Variants in ROBO1 observed in about 807,000 individuals in gnomAD.
ROBO1 encodes the protein roundabout homolog 1.
ROBO1 carries 149 observed loss-of-function variants against 195.9 expected under a neutral mutation model. The observed-to-expected ratio is 0.76, with a 90% CI of 0.67 to 0.87. ROBO1 has a LOEUF of 0.87. Ranked by LOEUF, ROBO1 falls within the 40% of genes least tolerant of loss-of-function variation. The pLI is 0.00. For missense variants in ROBO1, 1,933 were observed against 2,068.3 expected (o/e 0.93, Z 1.27); for synonymous variants, 816 against 733.2 (o/e 1.11, Z -1.82).
intron 3 of ROBO1, among the ~76,000 whole-genome samples, chr3:79,035,106 T>C (rs1270895403): frequency 6.6e-6 from 1 of 152,094 alleles, no homozygotes; most frequent in Non-Finnish European, 1.5e-5. Flanking sequence ...GTGAGGAATA[T>C]ATATTTTTAT....
chr3:79,227,572 C>A (rs902162), intron 2 of ROBO1, among the ~76,000 whole-genome samples: 1 of 152,116 alleles, frequency 6.6e-6, no homozygotes, highest in Non-Finnish European at 1.5e-5. Flanking sequence ...GTCACATGTG[C>A]AAATCTGGAG....
intron 10 of ROBO1, among the ~76,000 whole-genome samples, chr3:78,673,029 A>G (rs569485221): frequency 6.6e-5 from 10 of 152,190 alleles, no homozygotes; most frequent in Admixed American, 2.0e-4. Flanking sequence ...TAGCTAGAGT[A>G]ATTGGGGAAT....
chr3:79,113,858 T>A (rs1035598614), intron 3 of ROBO1, among the ~76,000 whole-genome samples: 4 of 152,166 alleles, frequency 2.6e-5, no homozygotes, highest in Non-Finnish European at 5.9e-5. Flanking sequence ...GGCTTTTAGA[T>A]CTCAGATAAT....
At chr3:78,716,196 G>A (rs2081898287) in intron 7 of ROBO1, among the ~76,000 whole-genome samples, 1 of 152,140 alleles carries the variant, frequency 6.6e-6, no homozygotes, top group Non-Finnish European at 1.5e-5. Flanking sequence ...AGCTGGCACA[G>A]GTTTACCTTT....
intron 2 of ROBO1, among the ~76,000 whole-genome samples, chr3:79,219,432 G>A (rs1276955881): frequency 6.6e-6 from 1 of 151,822 alleles, no homozygotes; most frequent in Admixed American, 6.6e-5. Context: ...GTGAATCTTC[G>A]GCTATCTCCT....
chr3:78,962,823 C>CAAAA (rs770515270), intron 3 of ROBO1, among the ~76,000 whole-genome samples: 3,595 of 26,202 alleles, frequency 0.14, 362 homozygotes, highest in African/African-American at 0.16. Flanking sequence ...GACTCCATCT[C>CAAAA]AAAAAAAAAA....
At chr3:79,344,415 G>A (rs562534270) in intron 2 of ROBO1, among the ~76,000 whole-genome samples, 39 of 152,184 alleles carry the variant, frequency 2.6e-4, no homozygotes, top group African/African-American at 9.4e-4. Context: ...AAGAACGATT[G>A]GCCAGCATGT....
chr3:79,118,970 T>C (rs1280353573), intron 3 of ROBO1, among the ~76,000 whole-genome samples: 1 of 152,160 alleles, frequency 6.6e-6, no homozygotes, highest in African/African-American at 2.4e-5. Flanking sequence ...AAATATTTTA[T>C]TTAAGTTCAG....
intron 28 of ROBO1, among the ~76,000 whole-genome samples, chr3:78,614,227 A>AT (rs1175767556): frequency 6.6e-6 from 1 of 152,200 alleles, no homozygotes; most frequent in Non-Finnish European, 1.5e-5. Flanking sequence ...TGTTGTTAGA[A>AT]TTAATATTCA....
chr3:79,353,398 CAA>C (rs1363976275), intron 2 of ROBO1, among the ~76,000 whole-genome samples: 55 of 78,446 alleles, frequency 7.0e-4, no homozygotes, highest in African/African-American at 2.1e-3. Context: ...CACACAGAAA[CAA>C]ACACACACAC....
rs184023554 is a variant in ROBO1, at chr3:78,625,262, C to T, written c.3875+2059G>A. Among the ~76,000 whole-genome samples, 422 of 152,278 alleles carry T rather than the reference C, an allele frequency of 2.8e-3. 3 individuals are homozygous for T. Among genetic ancestry groups the T allele is most frequent in the African/African-American group, 9.6e-3 (398 of 41,558 alleles). On this transcript the variant is annotated intron_variant, in intron 26 of 30. Transcript: ENST00000464233. ...GGATTAAAGTGACTTCATGAATAAC[C>T]TCATTTGTAGAATGCTAGGAAAAAA...
intron 4 of ROBO1, 48 bp from the exon 5 acceptor site, chr3:78,746,948 T>A: frequency 7.8e-7 from 1 of 1,288,294 alleles, no homozygotes; most frequent in Non-Finnish European, 1.0e-6. Context: ...ATAGATACAG[T>A]CCTAATCTCT....
chr3:79,133,995 A>G (rs1176492897), intron 2 of ROBO1, among the ~76,000 whole-genome samples: 2 of 151,858 alleles, frequency 1.3e-5, no homozygotes, highest in Admixed American at 1.3e-4. Context: ...TTCATGTCCA[A>G]AACACCAAAA....
chr3:78,938,664 C>T lies in ROBO1; in HGVS notation c.436G>A (p.Val146Ile). The T allele has an allele frequency of 6.2e-7, 1 of 1,614,022 alleles. No individual in the cohort carries two copies. Among genetic ancestry groups the T allele is most frequent in the East Asian group, 2.2e-5 (1 of 44,874 alleles). The change falls in exon 4 of 31, where the codon GTC becomes ATC. Residue 146 changes from valine to isoleucine, a missense_variant. Physicochemically the swap from Val to Ile is conservative, Grantham distance 29 (BLOSUM62 3). Around this residue, in one of 3 missense-constraint regions of ROBO1, gnomAD observed 1,737 missense variants for 1,882.5 expected, o/e 0.92. Transcript: ENST00000464233. ...CCAAGGTAATTCCTTGCTACACAGACATAGACTCCTTCATCAGGTCTACTT... is the reference window on the plus strand; with the variant it reads ...CCAAGGTAATTCCTTGCTACACAGATATAGACTCCTTCATCAGGTCTACTT... ...RKSRPDEGVYVCVARNYLGEA... is the reference protein window; with the variant it reads ...RKSRPDEGVYICVARNYLGEA...
intron 4 of ROBO1, among the ~76,000 whole-genome samples, chr3:78,821,009 TTCAAGCCAGTTAG>T (rs1371042093): frequency 6.6e-6 from 1 of 152,174 alleles, no homozygotes; most frequent in African/African-American, 2.4e-5. Flanking sequence ...AAGAAAATAA[TTCAAGCCAGTTAG>T]TTCATTTCTC....
intron 2 of ROBO1, among the ~76,000 whole-genome samples, chr3:79,255,042 A>C (rs376403097): frequency 1.2e-4 from 18 of 152,324 alleles, no homozygotes; most frequent in African/African-American, 4.1e-4. Context: ...AGTTGAAAAA[A>C]GTCTTCCGCA....
In ROBO1 at chr3:79,347,902, C is replaced by T. The variant is rs149777396; in HGVS notation, c.89-222363G>A. Among the ~76,000 whole-genome samples the T allele has an allele frequency of 3.7e-3, 559 of 152,150 alleles. 4 individuals carry two copies. Among genetic ancestry groups the T allele is most frequent in the African/African-American group, 0.013 (523 of 41,522 alleles). On this transcript the variant is annotated intron_variant, in intron 2 of 30. Transcript: ENST00000464233. ...ATGAGCCTTAATACCAAATGTAGTA[C>T]CGTATTATGAATAGAAGTTAAGATG...
chr3:78,761,873 T>C (rs1559828068), intron 4 of ROBO1, among the ~76,000 whole-genome samples: 1 of 152,136 alleles, frequency 6.6e-6, no homozygotes, highest in Non-Finnish European at 1.5e-5. Flanking sequence ...CTAAAATCAA[T>C]GTTGTAACTA....
chr3:78,846,714 G>A (rs952043875), intron 4 of ROBO1, among the ~76,000 whole-genome samples: 5 of 152,088 alleles, frequency 3.3e-5, no homozygotes, highest in South Asian at 2.1e-4. Context: ...ATGTCCAAGT[G>A]TAGTTAAATA....
Sources: allele counts gnomAD v4.1 joint callset (sites outside exome capture counted in the v4.1 genomes callset), GRCh38; gene constraint gnomAD v4.1.1; regional missense constraint gnomAD v4.1.1; transcripts MANE v1.5; gene names NCBI Gene and HGNC (gene_info 2026-07-23, HGNC 2026-07-21).